AGTR1: variants seen among roughly 807,000 people sequenced by gnomAD.
AGTR1 encodes angiotensin II receptor type 1.
Under a neutral mutation model 19.4 loss-of-function variants are expected in AGTR1, and 16 were observed. That is an observed-to-expected ratio of 0.82 (90% CI 0.56 to 1.25). The LOEUF is 1.25. Ranked by LOEUF, AGTR1 falls within the 50% of genes most tolerant of loss-of-function variation. The pLI is 0.00. For synonymous variants in AGTR1, 153 were observed against 154.9 expected (o/e 0.99, Z 0.09); for missense variants, 373 against 431.9 (o/e 0.86, Z 1.21).
chr3:148,707,435 G>A (rs1425769905), intron 1 of AGTR1, among the ~76,000 whole-genome samples: 3 of 151,970 alleles, frequency 2.0e-5, no homozygotes, highest in African/African-American at 4.8e-5. Flanking sequence ...TTTATACGAC[G>A]CGTTAGCATT....
At chr3:148,712,944 A>T (rs747993426) in intron 2 of AGTR1, among the ~76,000 whole-genome samples, 1 of 152,142 alleles carries the variant, frequency 6.6e-6, no homozygotes, top group Non-Finnish European at 1.5e-5. Context: ...GTTTGGGGCA[A>T]CTGAGGTAGT....
intron 2 of AGTR1, among the ~76,000 whole-genome samples, chr3:148,739,047 T>C (rs1352430193): frequency 3.3e-5 from 5 of 152,166 alleles, no homozygotes; most frequent in African/African-American, 9.7e-5. Context: ...AAGACAGATA[T>C]GTCAACAGAT....
chr3:148,742,108 T>C lies in AGTR1; in HGVS notation c.1073T>C (p.Val358Ala). The C allele has an allele frequency of 6.2e-7, 1 of 1,613,734 alleles. No individual in the cohort carries two copies. ...STKKPAPCFEVE is the reference protein window; with the variant it reads ...STKKPAPCFEAE Reference sequence around the variant, plus strand: ...AAGAAGCCTGCACCATGTTTTGAGGTTGAGTGACATGTTCGAAACCTGTCC... The same window carrying C: ...AAGAAGCCTGCACCATGTTTTGAGGCTGAGTGACATGTTCGAAACCTGTCC... Residue 358 changes from valine to alanine, a missense_variant, in exon 3 of 3, where the codon GTT becomes GCT. Transcript: ENST00000349243.
chr3:148,715,881 T>C (rs1713280502), intron 2 of AGTR1, among the ~76,000 whole-genome samples: 1 of 152,158 alleles, frequency 6.6e-6, no homozygotes, highest in African/African-American at 2.4e-5. Context: ...GTGACTATAT[T>C]AATTAATTTA....
rs147774977 is a variant in AGTR1, at chr3:148,700,397, C to G, written c.-132+2270C>G. Among the ~76,000 whole-genome samples the G allele has an allele frequency of 2.9e-3, 447 of 152,248 alleles. 4 individuals are homozygous for G. The highest frequency in any genetic ancestry group is 0.01 in the African/African-American group (434 of 41,558). On this transcript the variant is annotated intron_variant, in intron 1 of 2. Coordinates refer to ENST00000349243, the MANE Select transcript of AGTR1 (RefSeq NM_000685.5). Reference sequence around the variant, plus strand: ...TGATGCATGTCTGCTGTCATTTTATCTGTGCTGCCACAGTGTCCTTTCAAG... The same window carrying G: ...TGATGCATGTCTGCTGTCATTTTATGTGTGCTGCCACAGTGTCCTTTCAAG...
intron 2 of AGTR1, among the ~76,000 whole-genome samples, 195 bp from the exon 3 acceptor site, chr3:148,740,794 A>G (rs1222013465): frequency 6.6e-6 from 1 of 152,250 alleles, no homozygotes; most frequent in Non-Finnish European, 1.5e-5. Flanking sequence ...CTACAAAAGC[A>G]ATTATGTTCT....
chr3:148,723,903 T>A (rs1713785318), intron 2 of AGTR1, among the ~76,000 whole-genome samples: 1 of 152,196 alleles, frequency 6.6e-6, no homozygotes, highest in South Asian at 2.1e-4. Context: ...AACATTGGAA[T>A]GAGGGTCTGC....
intron 1 of AGTR1, among the ~76,000 whole-genome samples, chr3:148,701,425 A>C (rs560991614): frequency 7.9e-5 from 12 of 152,340 alleles, no homozygotes; most frequent in Admixed American, 5.9e-4. Flanking sequence ...ATGAAAATCA[A>C]AATTGTCTTC....
chr3:148,726,223 T>C (rs1292029234), intron 2 of AGTR1, among the ~76,000 whole-genome samples: 2 of 152,058 alleles, frequency 1.3e-5, no homozygotes, highest in Non-Finnish European at 2.9e-5. Flanking sequence ...GATTTTTTTT[T>C]TTTTAGACGG....
At chr3:148,701,599 A>G (rs1467389321) in intron 1 of AGTR1, among the ~76,000 whole-genome samples, 2 of 152,214 alleles carry the variant, frequency 1.3e-5, no homozygotes, top group Admixed American at 1.3e-4. Context: ...ACAAATGTCT[A>G]GAATCTCTCA....
intron 2 of AGTR1, among the ~76,000 whole-genome samples, chr3:148,714,369 A>C (rs532791984): frequency 1.3e-5 from 2 of 152,160 alleles, no homozygotes; most frequent in Non-Finnish European, 2.9e-5. Flanking sequence ...AGGAAGAAGG[A>C]GGAAGCTATG....
At chr3:148,737,233 T>C (rs949186628) in intron 2 of AGTR1, among the ~76,000 whole-genome samples, 1 of 152,052 alleles carries the variant, frequency 6.6e-6, no homozygotes. Flanking sequence ...CCAAGAGCGT[T>C]GTGCAATATC....
chr3:148,734,792 C>T (rs562130561), intron 2 of AGTR1, among the ~76,000 whole-genome samples: 1 of 152,286 alleles, frequency 6.6e-6, no homozygotes, highest in East Asian at 1.9e-4. Flanking sequence ...CTCTTCGTGG[C>T]TGCCAGGATT....
intron 1 of AGTR1, among the ~76,000 whole-genome samples, chr3:148,704,305 G>T (rs1178721501): frequency 3.3e-5 from 5 of 151,988 alleles, no homozygotes; most frequent in African/African-American, 7.3e-5. Context: ...GGTGAAGGCT[G>T]CAGTGAGCCA....
At chr3:148,732,456 G>T (rs1453620018) in intron 2 of AGTR1, among the ~76,000 whole-genome samples, 1 of 152,118 alleles carries the variant, frequency 6.6e-6, no homozygotes, top group East Asian at 1.9e-4. Flanking sequence ...ATCTTATGTT[G>T]AGTTTCTTTA....
At chr3:148,712,185 C>T (rs1361859092) in intron 2 of AGTR1, among the ~76,000 whole-genome samples, 1 of 151,982 alleles carries the variant, frequency 6.6e-6, no homozygotes, top group Non-Finnish European at 1.5e-5. Context: ...TTAGTCATTC[C>T]TTTTAAGACT....
chr3:148,737,883 G>A (rs1162653042), intron 2 of AGTR1, among the ~76,000 whole-genome samples: 10 of 152,048 alleles, frequency 6.6e-5, no homozygotes, highest in Admixed American at 6.6e-4. Flanking sequence ...AGTTTCCAGG[G>A]ATGATCCCCT....
intron 2 of AGTR1, among the ~76,000 whole-genome samples, chr3:148,713,575 A>G (rs192129778): frequency 2.4e-4 from 36 of 152,256 alleles, no homozygotes; most frequent in Admixed American, 2.0e-3. Context: ...GTGATACACA[A>G]TTTAGTTGGG....
chr3:148,711,588 GCTTTAGGAAA>G (rs1712985777), intron 2 of AGTR1, among the ~76,000 whole-genome samples: 1 of 151,978 alleles, frequency 6.6e-6, no homozygotes, highest in Admixed American at 6.6e-5. Context: ...AATGAAGCTT[GCTTTAGGAAA>G]CATGTGTACT....
Sources: gnomAD v4.1 joint callset for allele counts (sites outside exome capture counted in the v4.1 genomes callset) on GRCh38, gnomAD v4.1.1 for gene constraint, MANE v1.5 for transcripts, NCBI Gene and HGNC (gene_info 2026-07-23, HGNC 2026-07-21) for gene names.